The following PCDHA8 variants were observed in gnomAD, a reference collection of about 807,000 sequenced individuals.
PCDHA8 encodes the protein protocadherin alpha 8, also known as protocadherin alpha-8.
Under a neutral mutation model 61.8 loss-of-function variants are expected in PCDHA8, and 53 were observed. The observed-to-expected ratio is 0.86, with a 90% CI of 0.69 to 1.08. PCDHA8 has a LOEUF of 1.08. Among genes scored for constraint, PCDHA8 ranks in the 50% least tolerant of loss-of-function variants. The pLI is 0.00. For missense variants in PCDHA8, 1,293 were observed against 1,245.0 expected, an observed-to-expected ratio of 1.04 and a Z score of -0.58; for synonymous variants, 618 against 556.6, an observed-to-expected ratio of 1.11 and a Z score of -1.55.
intron 3 of PCDHA8, among the ~76,000 whole-genome samples, chr5:141,006,373 G>A (rs550999366): frequency 1.1e-4 from 17 of 151,910 alleles, no homozygotes; most frequent in African/African-American, 3.1e-4. Context: ...CACCACGCCC[G>A]GCTAAGTTTT....
intron 1 of PCDHA8, chr5:140,930,104 G>T (rs532818002): frequency 6.6e-6 from 1 of 152,210 alleles, no homozygotes; most frequent in Non-Finnish European, 1.5e-5. Flanking sequence ...ACTGATAGGA[G>T]ATCATATTGT....
intron 1 of PCDHA8, chr5:140,882,353 G>A (rs782054546): frequency 2.5e-6 from 4 of 1,614,174 alleles, no homozygotes; most frequent in Non-Finnish European, 3.4e-6. Flanking sequence ...GACGGGTAGT[G>A]GCCAGCTCCA....
At chr5:140,855,743 G>A (rs2043601940) in intron 1 of PCDHA8, 1 of 316,702 alleles carries the variant, frequency 3.2e-6, no homozygotes, top group African/African-American at 2.1e-5. Flanking sequence ...GAGACGTAAT[G>A]TGAGGCTTTG....
chr5:140,883,547 G>A (rs782704587), intron 1 of PCDHA8: 2 of 1,614,234 alleles, frequency 1.2e-6, no homozygotes, highest in Admixed American at 1.7e-5. Flanking sequence ...GGTGGTGACC[G>A]CGCGGGACGG....
At chr5:140,956,958 A>C (rs970237928) in intron 1 of PCDHA8, among the ~76,000 whole-genome samples, 4 of 134,798 alleles carry the variant, frequency 3.0e-5, no homozygotes, top group Non-Finnish European at 6.6e-5. Context: ...AAACACTGTA[A>C]TTAATCAGTC....
intron 1 of PCDHA8, chr5:140,857,563 C>A (rs782037850): frequency 1.3e-6 from 2 of 1,596,904 alleles, no homozygotes; most frequent in Non-Finnish European, 8.6e-7. Flanking sequence ...CGCTGTCGAG[C>A]TACGTGTCGG....
At chr5:140,850,558 G>T (rs2150489293) in intron 1 of PCDHA8, 3 of 1,598,326 alleles carry the variant, frequency 1.9e-6, no homozygotes, top group Non-Finnish European at 2.6e-6. Flanking sequence ...GGTGCCACGG[G>T]CCCCGAGGTG....
At chr5:140,871,976 C>A (rs2053421346) in intron 1 of PCDHA8, among the ~76,000 whole-genome samples, 1 of 152,206 alleles carries the variant, frequency 6.6e-6, no homozygotes, top group Non-Finnish European at 1.5e-5. Context: ...CCTATGATGT[C>A]CAGGTTGGAC....
At chr5:140,926,178 G>GC (rs1221259064) in intron 1 of PCDHA8, among the ~76,000 whole-genome samples, 2 of 151,700 alleles carry the variant, frequency 1.3e-5, no homozygotes, top group Non-Finnish European at 2.9e-5. Flanking sequence ...AGCGCGGAAA[G>GC]CCCCCCGCAG....
intron 1 of PCDHA8, chr5:140,869,731 T>C (rs1554163388): frequency 6.2e-7 from 1 of 1,613,416 alleles, no homozygotes. Flanking sequence ...GGAACTTAAT[T>C]TGCTGCTAAC....
At chr5:140,983,904 C>T (rs1227752084) in intron 3 of PCDHA8, among the ~76,000 whole-genome samples, 2 of 152,164 alleles carry the variant, frequency 1.3e-5, no homozygotes, top group African/African-American at 4.8e-5. Context: ...TTCGTTGATT[C>T]TAATCAGCCA....
intron 1 of PCDHA8, among the ~76,000 whole-genome samples, chr5:140,950,208 C>G (rs1377059178): frequency 1.3e-5 from 2 of 151,900 alleles, no homozygotes; most frequent in Non-Finnish European, 2.9e-5. Context: ...TTCTGTTTAC[C>G]TAGTCATTTA....
Position 140,841,384 on chromosome 5 carries a change from C to T in PCDHA8, c.63C>T (p.Leu21=), listed in dbSNP as rs1222164678. ...SWRLLLLLLL[L]AAWKVGSGQL... ...GACTACTACTCTTGCTTCTGCTCCT[C>T]GCAGCCTGGAAGGTGGGGAGCGGCC... Residue 21 remains leucine, a synonymous_variant, in exon 1 of 4, where the codon CTC becomes CTT. Transcript: ENST00000531613. 1.2e-6 allele frequency: 2 copies of T among 1,613,362 alleles called. No individual in the cohort carries two copies. Among genetic ancestry groups the T allele is most frequent in the Non-Finnish European group, 1.7e-6 (2 of 1,179,834 alleles).
At chr5:140,857,691 T>C (rs189067845) in intron 1 of PCDHA8, 2 of 1,597,004 alleles carry the variant, frequency 1.3e-6, no homozygotes, top group Non-Finnish European at 1.7e-6. Context: ...GGCAGCAACT[T>C]GACGCTGCAG....
chr5:140,890,528 C>T (rs1329794711), intron 1 of PCDHA8, among the ~76,000 whole-genome samples: 3 of 152,060 alleles, frequency 2.0e-5, no homozygotes, highest in South Asian at 2.1e-4. Flanking sequence ...CTTTGTTGAT[C>T]TTCTTTTGAA....
chr5:141,011,662 G>C lies in PCDHA8; in HGVS notation c.*1725G>C, dbSNP rs1166635893. On this transcript the variant is annotated 3_prime_UTR_variant, in exon 4 of 4. Coordinates refer to ENST00000531613, the MANE Select transcript of PCDHA8 (RefSeq NM_018911.3). The stretch of plus-strand genomic sequence containing the variant: ...CAAGACTTCTGCTGGCAAGGGAATG[G>C]ATAAAGCTGTTTTGTTCTAGTAACA... 2.0e-5 allele frequency: 3 copies of C among 153,688 alleles called. No homozygotes were observed. Among genetic ancestry groups the C allele is most frequent in the African/African-American group, 7.2e-5 (3 of 41,414 alleles). The allele number at this position is 153,688 out of a possible 1,614,324, so 9.5% of individuals were successfully genotyped here.
chr5:140,960,628 T>C (rs1474502656), intron 1 of PCDHA8, among the ~76,000 whole-genome samples: 1 of 152,192 alleles, frequency 6.6e-6, no homozygotes, highest in Non-Finnish European at 1.5e-5. Context: ...TTTTGAAATA[T>C]ATTTTTAAAA....
At chr5:141,002,684 G>C (rs1432098268) in intron 3 of PCDHA8, among the ~76,000 whole-genome samples, 2 of 152,180 alleles carry the variant, frequency 1.3e-5, no homozygotes, top group Non-Finnish European at 2.9e-5. Context: ...TATACGACGT[G>C]CAGATTTGTT....
intron 1 of PCDHA8, among the ~76,000 whole-genome samples, chr5:140,960,278 T>A (rs2095536864): frequency 6.6e-6 from 1 of 152,192 alleles, no homozygotes. Context: ...CGTCACCTTT[T>A]TGGGACCCAG....
Sources: allele counts gnomAD v4.1 joint callset (sites outside exome capture counted in the v4.1 genomes callset), GRCh38; gene constraint gnomAD v4.1.1; transcripts MANE v1.5; gene names NCBI Gene and HGNC (gene_info 2026-07-23, HGNC 2026-07-21).